Variants in LRRC28 observed in about 807,000 individuals in gnomAD.
The protein encoded by LRRC28 is leucine rich repeat containing 28.
LRRC28 carries 39 observed loss-of-function variants against 45.7 expected under a neutral mutation model. That is an observed-to-expected ratio of 0.85 (90% CI 0.66 to 1.12). LRRC28 has a LOEUF of 1.12. Ranked by LOEUF, LRRC28 falls within the 50% of genes most tolerant of loss-of-function variation. LRRC28 has a pLI of 0.00. For missense variants in LRRC28, 435 were observed against 438.5 expected (o/e 0.99, Z 0.07); for synonymous variants, 206 against 178.8 (o/e 1.15, Z -1.22).
chr15:99,381,531 T>A (rs1020577390), intron 9 of LRRC28, among the ~76,000 whole-genome samples: 1 of 152,222 alleles, frequency 6.6e-6, no homozygotes. Context: ...TTCTCTCAAC[T>A]CGTCAAAGTC....
intron 9 of LRRC28, among the ~76,000 whole-genome samples, chr15:99,380,554 G>C (rs1396872319): frequency 6.6e-6 from 1 of 152,172 alleles, no homozygotes; most frequent in African/African-American, 2.4e-5. Context: ...ATATTGTTAT[G>C]TGTGAATTTG....
At chr15:99,259,332 T>G in intron 2 of LRRC28, 1 of 1,419,660 alleles carries the variant, frequency 7.0e-7, no homozygotes, top group Non-Finnish European at 1.0e-6. Flanking sequence ...GAACCTGTGG[T>G]TGAATACTGC....
Position 99,361,377 on chromosome 15 carries a change from C to G in LRRC28, c.737C>G (p.Ser246Cys). 1 of 1,613,846 alleles carries G rather than the reference C, an allele frequency of 6.2e-7. No individual in the cohort carries two copies. The highest frequency in any genetic ancestry group is 8.5e-7 in the Non-Finnish European group (1 of 1,179,916). The stretch of plus-strand genomic sequence containing the variant: ...CAAGTTTCCGAGGTGAAGCTGCTTT[C>G]CTTTTCATCAGGGCAGCGAACCGTT... The part of the protein sequence containing the change: ...PIQVSEVKLL[S>C]FSSGQRTVFL... The change falls in exon 8 of 10, where the codon TCC becomes TGC. Residue 246 changes from serine to cysteine, a missense_variant. Transcript: ENST00000301981.
At chr15:99,281,334 A>T (rs560576596) in intron 3 of LRRC28, among the ~76,000 whole-genome samples, 1 of 151,396 alleles carries the variant, frequency 6.6e-6, no homozygotes, top group East Asian at 1.9e-4. Context: ...TCACTGTAAC[A>T]TCAAACTCCT....
chr15:99,360,710 A>G (rs1957176552), intron 7 of LRRC28, among the ~76,000 whole-genome samples: 1 of 152,188 alleles, frequency 6.6e-6, no homozygotes, highest in Admixed American at 6.5e-5. Flanking sequence ...CAAGAAATAG[A>G]ATGAGATTGG....
intron 5 of LRRC28, among the ~76,000 whole-genome samples, chr15:99,290,788 T>G (rs2082101569): frequency 6.6e-6 from 1 of 151,834 alleles, no homozygotes; most frequent in East Asian, 1.9e-4. Context: ...AGGCTTTGTC[T>G]CTACTAAAAT....
chr15:99,267,381 G>A (rs2081359951), intron 2 of LRRC28, among the ~76,000 whole-genome samples: 1 of 152,218 alleles, frequency 6.6e-6, no homozygotes. Context: ...ATACAGCCAA[G>A]TGCGGTAGGA....
chr15:99,325,013 T>C (rs181918067), intron 5 of LRRC28, among the ~76,000 whole-genome samples: 29 of 152,328 alleles, frequency 1.9e-4, no homozygotes, highest in African/African-American at 5.8e-4. Flanking sequence ...AATCTGCAGA[T>C]CAGTTTGGGG....
intron 6 of LRRC28, among the ~76,000 whole-genome samples, chr15:99,351,360 T>G (rs1175078085): frequency 6.6e-6 from 1 of 152,178 alleles, no homozygotes; most frequent in South Asian, 2.1e-4. Context: ...TCTTCCATTC[T>G]TTGCCCTCTC....
chr15:99,372,872 A>G (rs771483145), intron 9 of LRRC28, among the ~76,000 whole-genome samples: 2 of 152,196 alleles, frequency 1.3e-5, no homozygotes, highest in Non-Finnish European at 2.9e-5. Flanking sequence ...AGGAAACTTA[A>G]CAATCATGGC....
chr15:99,267,643 G>A (rs950357875), intron 2 of LRRC28, among the ~76,000 whole-genome samples: 6 of 152,210 alleles, frequency 3.9e-5, no homozygotes, highest in Non-Finnish European at 7.3e-5. Flanking sequence ...TGGTCCGTTA[G>A]TGTTTTAGTG....
chr15:99,334,404 T>A (rs1407623339), intron 6 of LRRC28, among the ~76,000 whole-genome samples: 8 of 84,244 alleles, frequency 9.5e-5, no homozygotes, highest in South Asian at 3.4e-4. Flanking sequence ...AATTAAAGAG[T>A]GTGTGTGTGT....
At chr15:99,289,116 T>A (rs928864410) in intron 5 of LRRC28, among the ~76,000 whole-genome samples, 1 of 152,240 alleles carries the variant, frequency 6.6e-6, no homozygotes, top group African/African-American at 2.4e-5. Flanking sequence ...TAGGCAGTAC[T>A]AAAATCTTGC....
At chr15:99,315,799 A>C (rs544774977) in intron 5 of LRRC28, among the ~76,000 whole-genome samples, 43 of 152,158 alleles carry the variant, frequency 2.8e-4, no homozygotes, top group Non-Finnish European at 4.7e-4. Flanking sequence ...CATCTGGCTC[A>C]CACCTGGAGG....
intron 2 of LRRC28, chr15:99,258,184 T>C: frequency 6.2e-7 from 1 of 1,612,476 alleles, no homozygotes. Context: ...GCCAGTCAAC[T>C]TCTGAATTGA....
chr15:99,291,175 ATAAT>A (rs1247102215), intron 5 of LRRC28, among the ~76,000 whole-genome samples: 1 of 152,202 alleles, frequency 6.6e-6, no homozygotes, highest in Non-Finnish European at 1.5e-5. Context: ...CTACTTTCAC[ATAAT>A]TTATTTATAT....
chr15:99,262,444 T>C (rs2081223527), intron 2 of LRRC28, among the ~76,000 whole-genome samples: 1 of 152,028 alleles, frequency 6.6e-6, no homozygotes, highest in African/African-American at 2.4e-5. Context: ...TAGCTAGGCA[T>C]GGTGGTGCGC....
intron 9 of LRRC28, among the ~76,000 whole-genome samples, chr15:99,385,217 C>T (rs1205837356): frequency 4.6e-5 from 7 of 152,168 alleles, no homozygotes; most frequent in Non-Finnish European, 7.4e-5. Context: ...TGGTGCCTCT[C>T]GCTGGCCTAA....
At chr15:99,331,476 T>C (rs371464421) in intron 5 of LRRC28, among the ~76,000 whole-genome samples, 1 of 152,210 alleles carries the variant, frequency 6.6e-6, no homozygotes, top group African/African-American at 2.4e-5. Context: ...CAAATTCTAT[T>C]GCACTGCCTC....
Sources: allele counts gnomAD v4.1 joint callset (sites outside exome capture counted in the v4.1 genomes callset), GRCh38; gene constraint gnomAD v4.1.1; transcripts MANE v1.5; gene names NCBI Gene and HGNC (gene_info 2026-07-23, HGNC 2026-07-21).